The following CAP2 variants were observed in gnomAD, a reference collection of about 807,000 sequenced individuals.
CAP2 encodes cyclase associated actin cytoskeleton regulatory protein 2, also known as adenylyl cyclase-associated protein 2.
A neutral mutation model predicts 57.7 loss-of-function variants in CAP2; 24 were observed. The ratio of observed to expected loss-of-function variants is 0.42; its 90% CI spans 0.30 to 0.58. The LOEUF (loss-of-function observed/expected upper bound fraction) is 0.58. CAP2 is among the 20% of genes least tolerant of loss of function. The pLI is 0.22. For synonymous variants in CAP2, 194 were observed against 207.2 expected, an observed-to-expected ratio of 0.94 and a Z score of 0.55; for missense variants, 501 against 590.3, an observed-to-expected ratio of 0.85 and a Z score of 1.57.
chr6:17,551,596 G>T lies in CAP2; in HGVS notation c.1342G>T (p.Gly448Cys). The T allele has an allele frequency of 1.2e-6, 2 of 1,604,720 alleles. No homozygotes were observed. The highest frequency in any genetic ancestry group is 1.7e-6 in the Non-Finnish European group (2 of 1,175,442). The change falls in exon 12 of 13, where the codon GGT becomes TGT. Residue 448 changes from glycine (G) to cysteine (C), a missense_variant. Transcript: ENST00000229922. ...SEMNILIPQD[G>C]DYREFPIPEQ... Reference sequence around the variant, plus strand: ...AATGAACATACTTATCCCTCAGGATGGTGATTATGTAAGTACCTTTCAAAA... The same window carrying T: ...AATGAACATACTTATCCCTCAGGATTGTGATTATGTAAGTACCTTTCAAAA...
intron 3 of CAP2, among the ~76,000 whole-genome samples, chr6:17,442,542 T>G (rs1760115445): frequency 6.6e-6 from 1 of 152,126 alleles, no homozygotes. Flanking sequence ...ATGCATGATA[T>G]TCCTCTGTGG....
At chr6:17,531,571 C>G in intron 7 of CAP2, 1 of 1,540,310 alleles carries the variant, frequency 6.5e-7, no homozygotes, top group Non-Finnish European at 8.9e-7. Flanking sequence ...CTGCGAAATT[C>G]CTTCGCTTTT....
chr6:17,507,488 T>A (rs1762019452), intron 5 of CAP2, among the ~76,000 whole-genome samples, 153 bp from the exon 6 acceptor site: 1 of 152,248 alleles, frequency 6.6e-6, no homozygotes. Context: ...TGAGATACTG[T>A]AGAAAGTGTT....
chr6:17,397,908 C>T (rs975829731), intron 1 of CAP2, among the ~76,000 whole-genome samples: 3 of 151,058 alleles, frequency 2.0e-5, no homozygotes, highest in African/African-American at 4.9e-5. Flanking sequence ...TGTGAATGTG[C>T]CATGTATTTT....
At chr6:17,548,295 A>G (rs1022212380) in intron 11 of CAP2, among the ~76,000 whole-genome samples, 33 of 151,802 alleles carry the variant, frequency 2.2e-4, no homozygotes, top group Admixed American at 1.5e-3. Flanking sequence ...TGAACCTGGG[A>G]GGCGGAGGTT....
intron 7 of CAP2, among the ~76,000 whole-genome samples, chr6:17,521,855 T>A (rs1251640566): frequency 6.6e-6 from 1 of 152,184 alleles, no homozygotes; most frequent in African/African-American, 2.4e-5. Context: ...AAGCCTGTAA[T>A]CCCAGCACTT....
chr6:17,526,847 C>T (rs1762522492), intron 7 of CAP2, among the ~76,000 whole-genome samples: 1 of 150,744 alleles, frequency 6.6e-6, no homozygotes, highest in African/African-American at 2.4e-5. Context: ...GTCCCAGCTA[C>T]CCGGGAGGCT....
chr6:17,546,758 C>T (rs536742050), intron 11 of CAP2, among the ~76,000 whole-genome samples: 11 of 152,234 alleles, frequency 7.2e-5, no homozygotes, highest in East Asian at 3.9e-4. Flanking sequence ...GCACTCCCTT[C>T]GAAAACTGGC....
At chr6:17,451,376 G>C (rs1392897992) in intron 3 of CAP2, among the ~76,000 whole-genome samples, 1 of 152,090 alleles carries the variant, frequency 6.6e-6, no homozygotes, top group Admixed American at 6.5e-5. Flanking sequence ...TCCAGGTTGG[G>C]TGTTTGCTGT....
intron 7 of CAP2, among the ~76,000 whole-genome samples, chr6:17,527,068 T>C (rs1762530431): frequency 6.6e-6 from 1 of 151,648 alleles, no homozygotes; most frequent in Admixed American, 6.6e-5. Context: ...AAAATGCATA[T>C]ATAATATGGA....
At position 17,476,954 on chromosome 6, in the gene CAP2, C is replaced by T. The variant is rs1196006338; in HGVS notation, c.300+13881C>T. Among the ~76,000 whole-genome samples the T allele has an allele frequency of 2.0e-5, 3 of 148,980 alleles. No individual in the cohort carries two copies. The East Asian group carries it at 6.0e-4, about 30-fold the overall frequency. ...TGGCGCAATCTCGGCTCACTGCAAC[C>T]TCTGCCTCTCGGGTTCAAGTGATCC... On this transcript the variant is annotated intron_variant, in intron 4 of 12. Transcript: ENST00000229922.
chr6:17,542,780 CA>C, intron 9 of CAP2, 56 bp from the exon 10 acceptor site: 1 of 1,365,336 alleles, frequency 7.3e-7, no homozygotes, highest in Non-Finnish European at 1.0e-6. Context: ...TTTCAGTGTG[CA>C]GTGGTTTCTG....
At chr6:17,451,635 G>A (rs1424628667) in intron 3 of CAP2, among the ~76,000 whole-genome samples, 3 of 151,600 alleles carry the variant, frequency 2.0e-5, no homozygotes, top group African/African-American at 7.3e-5. Flanking sequence ...TCAGCCTCTC[G>A]AGTAGCTGGG....
chr6:17,508,469 T>A (rs1762046628), intron 6 of CAP2, among the ~76,000 whole-genome samples: 1 of 152,188 alleles, frequency 6.6e-6, no homozygotes, highest in Non-Finnish European at 1.5e-5. Flanking sequence ...ACCCCTCTGA[T>A]AAGGTCGTGC....
chr6:17,395,577 G>A (rs1385450782), intron 1 of CAP2, among the ~76,000 whole-genome samples: 1 of 152,056 alleles, frequency 6.6e-6, no homozygotes, highest in Non-Finnish European at 1.5e-5. Context: ...AGGATTAATG[G>A]GCCACATTCT....
intron 7 of CAP2, among the ~76,000 whole-genome samples, chr6:17,532,453 C>T (rs1238594673): frequency 1.4e-5 from 2 of 145,152 alleles, no homozygotes; most frequent in African/African-American, 5.0e-5. Flanking sequence ...GTTTGAAAAT[C>T]TTAGAGTTTA....
Position 17,543,114 on chromosome 6 carries a change from G to A in CAP2, c.1180G>A (p.Val394Met), listed in dbSNP as rs1184704381. The A allele has an allele frequency of 1.2e-5, 19 of 1,613,962 alleles. No individual in the cohort carries two copies. Among genetic ancestry groups the A allele is most frequent in the Non-Finnish European group, 1.6e-5 (19 of 1,179,960 alleles). Residue 394 changes from valine (V) to methionine (M), a missense_variant, in exon 11 of 13, where the codon GTG becomes ATG. By Grantham distance (21) the Val-to-Met change is conservative. Transcript: ENST00000229922. The part of the protein sequence containing the change: ...VFDNVVGIVE[V>M]INSQDIQIQV... ...TGACAATGTGGTGGGCATTGTGGAA[G>A]TGATCAACTCCCAGGACATTCAAAT... is the stretch of plus-strand genomic sequence containing the variant.
At chr6:17,534,896 G>A (rs548569785) in intron 7 of CAP2, among the ~76,000 whole-genome samples, 8 of 152,248 alleles carry the variant, frequency 5.3e-5, no homozygotes, top group South Asian at 2.1e-4. Flanking sequence ...AGCCCTAGAC[G>A]GAGAGTCAAG....
intron 7 of CAP2, among the ~76,000 whole-genome samples, chr6:17,521,014 T>C (rs1762379082): frequency 6.6e-6 from 1 of 152,194 alleles, no homozygotes; most frequent in South Asian, 2.1e-4. Flanking sequence ...AGCTGCGTCG[T>C]TCTACTTAGT....
Sources: allele counts gnomAD v4.1 joint callset (sites outside exome capture counted in the v4.1 genomes callset), GRCh38; gene constraint gnomAD v4.1.1; transcripts MANE v1.5; gene names NCBI Gene and HGNC (gene_info 2026-07-23, HGNC 2026-07-21).